The following ROBO1 variants were observed in gnomAD, a reference collection of about 807,000 sequenced individuals.
The protein encoded by ROBO1 is roundabout homolog 1.
A neutral mutation model predicts 195.9 loss-of-function variants in ROBO1; 149 were observed. The ratio of observed to expected loss-of-function variants is 0.76; its 90% confidence interval spans 0.67 to 0.87. ROBO1 has a LOEUF of 0.87. ROBO1 is among the 40% of genes least tolerant of loss of function. The pLI, the probability that ROBO1 is intolerant of heterozygous loss-of-function variation, is 0.00. For synonymous variants in ROBO1, 816 were observed against 733.2 expected (o/e 1.11, Z -1.82); for missense variants, 1,933 against 2,068.3 (o/e 0.93, Z 1.27).
chr3:79,359,323 T>G (rs1181573838), intron 2 of ROBO1, among the ~76,000 whole-genome samples: 1 of 152,062 alleles, frequency 6.6e-6, no homozygotes, highest in African/African-American at 2.4e-5. Flanking sequence ...CCTTTCTACT[T>G]TCTTTCTGTC....
rs1703490700 is a variant in ROBO1, at chr3:78,606,865, T to C, written c.4612A>G (p.Arg1538Gly). The change falls in exon 29 of 31, where the codon AGA becomes GGA. Residue 1538 changes from arginine (R) to glycine (G), a missense_variant. This residue lies in a region of ROBO1 where 1,737 missense variants were observed against 1,882.5 expected (regional missense o/e 0.92). Transcript: ENST00000464233. ...SYKGREVLDG[R>G]QVVDMRTNPG... ...TTTGTTCGCATGTCAACAACCTGTC[T>C]TCCATCCAACACTTCTCTCCCCTTG... 3 of 1,613,808 alleles carry C rather than the reference T, an allele frequency of 1.9e-6. No individual in the cohort carries two copies. Among genetic ancestry groups the C allele is most frequent in the Admixed American group, 3.3e-5 (2 of 59,986 alleles).
At chr3:78,883,330 T>C (rs1193153097) in intron 4 of ROBO1, among the ~76,000 whole-genome samples, 1 of 152,136 alleles carries the variant, frequency 6.6e-6, no homozygotes, top group Non-Finnish European at 1.5e-5. Flanking sequence ...CAAATGCTTC[T>C]TTACATCAAT....
intron 3 of ROBO1, among the ~76,000 whole-genome samples, chr3:79,061,807 C>T (rs1443805078): frequency 6.6e-6 from 1 of 152,094 alleles, no homozygotes; most frequent in Non-Finnish European, 1.5e-5. Flanking sequence ...ATATAGAAAG[C>T]TGAAACTGGA....
chr3:78,919,390 G>A (rs1220894365), intron 4 of ROBO1, among the ~76,000 whole-genome samples: 1 of 152,160 alleles, frequency 6.6e-6, no homozygotes, highest in Non-Finnish European at 1.5e-5. Context: ...AACAAGCAAG[G>A]TTGAGAATCA....
chr3:78,881,640 C>T (rs949896207), intron 4 of ROBO1, among the ~76,000 whole-genome samples: 3 of 152,106 alleles, frequency 2.0e-5, no homozygotes, highest in African/African-American at 7.2e-5. Flanking sequence ...TCTCTTACTT[C>T]CTATTGATAA....
intron 10 of ROBO1, among the ~76,000 whole-genome samples, chr3:78,675,062 G>T (rs1708316100): frequency 6.6e-6 from 1 of 151,952 alleles, no homozygotes; most frequent in South Asian, 2.1e-4. Context: ...ATATACAGAG[G>T]TAAGAGTTTG....
chr3:79,317,825 T>C (rs2033805034), intron 2 of ROBO1, among the ~76,000 whole-genome samples: 1 of 152,164 alleles, frequency 6.6e-6, no homozygotes, highest in Non-Finnish European at 1.5e-5. Flanking sequence ...TACACATATA[T>C]ACACATACAT....
intron 4 of ROBO1, among the ~76,000 whole-genome samples, chr3:78,897,051 C>G (rs2037281592): frequency 6.6e-6 from 1 of 152,196 alleles, no homozygotes; most frequent in South Asian, 2.1e-4. Flanking sequence ...CACACAATTC[C>G]ACACACATTA....
chr3:78,631,631 G>A (rs1002688999), intron 24 of ROBO1, among the ~76,000 whole-genome samples: 1 of 152,058 alleles, frequency 6.6e-6, no homozygotes, highest in Non-Finnish European at 1.5e-5. Flanking sequence ...ATATTTTCTC[G>A]AGTGCCTTTC....
At chr3:78,940,763 G>A (rs116738131) in intron 3 of ROBO1, among the ~76,000 whole-genome samples, 27 of 152,264 alleles carry the variant, frequency 1.8e-4, no homozygotes, top group African/African-American at 2.9e-4. Flanking sequence ...CTATTTGTCC[G>A]TTTTTCCCAC....
At chr3:79,399,942 C>T (rs909366366) in intron 2 of ROBO1, among the ~76,000 whole-genome samples, 4 of 152,190 alleles carry the variant, frequency 2.6e-5, no homozygotes, top group African/African-American at 9.6e-5. Context: ...ATTGCTGATT[C>T]GCTCACACTA....
chr3:79,316,435 C>T (rs2033741000), intron 2 of ROBO1, among the ~76,000 whole-genome samples: 1 of 152,002 alleles, frequency 6.6e-6, no homozygotes, highest in African/African-American at 2.4e-5. Flanking sequence ...GGAATGGGAT[C>T]TGGTGTAAAG....
chr3:79,109,204 A>G (rs1488831281), intron 3 of ROBO1, among the ~76,000 whole-genome samples: 2 of 151,622 alleles, frequency 1.3e-5, no homozygotes, highest in African/African-American at 4.8e-5. Context: ...AATTGGGGGT[A>G]CTTATTCAAA....
At chr3:78,892,382 C>T (rs534206943) in intron 4 of ROBO1, among the ~76,000 whole-genome samples, 1 of 152,266 alleles carries the variant, frequency 6.6e-6, no homozygotes, top group South Asian at 2.1e-4. Context: ...CGGGTTAGAG[C>T]ACGGACTCTG....
At chr3:79,548,118 C>G (rs1046849047) in intron 2 of ROBO1, among the ~76,000 whole-genome samples, 3 of 152,066 alleles carry the variant, frequency 2.0e-5, no homozygotes, top group Non-Finnish European at 4.4e-5. Context: ...GTGTGGCCAG[C>G]AAATCATCTG....
chr3:79,756,419 C>G (rs1704400618), intron 1 of ROBO1, among the ~76,000 whole-genome samples: 1 of 151,972 alleles, frequency 6.6e-6, no homozygotes, highest in African/African-American at 2.4e-5. Flanking sequence ...TGTGGTGGCG[C>G]ATGCCTGTAA....
At position 78,957,302 on chromosome 3, in the gene ROBO1, CA is replaced by C. The variant is rs397874209; in HGVS notation, c.173-18376del. On this transcript the variant is annotated intron_variant, in intron 3 of 30. Coordinates refer to ENST00000464233, the MANE Select transcript of ROBO1 (RefSeq NM_002941.4). Reference sequence around the variant, plus strand: ...CTAGATGCTGGTGATACAAGAATGCCAAAAAAAAAAAAAAACCTTCAAAAAA... The same window carrying C: ...CTAGATGCTGGTGATACAAGAATGCCAAAAAAAAAAAAAACCTTCAAAAAA... Among the ~76,000 whole-genome samples, 473 of 94,836 alleles carry C rather than the reference CA, an allele frequency of 5.0e-3. 2 individuals are homozygous for C. The highest frequency in any genetic ancestry group is 6.9e-3 in the Admixed American group (62 of 8,934). The allele number at this position is 94,836 out of a possible 152,430, so 62.2% of individuals were successfully genotyped here. A position where few individuals can be genotyped will look rare whatever the true frequency, so the allele number is the denominator to read the frequency against.
chr3:79,321,554 C>T (rs1367844726), intron 2 of ROBO1, among the ~76,000 whole-genome samples: 1 of 152,118 alleles, frequency 6.6e-6, no homozygotes, highest in Non-Finnish European at 1.5e-5. Flanking sequence ...TTCAAAGTTG[C>T]AGACTGCAAT....
At chr3:78,781,131 G>A (rs899680574) in intron 4 of ROBO1, among the ~76,000 whole-genome samples, 1 of 152,082 alleles carries the variant, frequency 6.6e-6, no homozygotes, top group African/African-American at 2.4e-5. Flanking sequence ...CAACAAAACA[G>A]CACAGTAACC....
Sources: allele counts gnomAD v4.1 joint callset (sites outside exome capture counted in the v4.1 genomes callset), GRCh38; gene constraint gnomAD v4.1.1; regional missense constraint gnomAD v4.1.1; transcripts MANE v1.5; gene names NCBI Gene and HGNC (gene_info 2026-07-23, HGNC 2026-07-21).